Variants in VEZT observed in about 807,000 individuals in gnomAD.
VEZT encodes the protein vezatin, adherens junctions transmembrane protein, also known as vezatin.
Under a neutral mutation model 79.9 loss-of-function variants are expected in VEZT, and 39 were observed. That is an observed-to-expected ratio of 0.49 (90% CI 0.38 to 0.64). The LOEUF is 0.64. VEZT is among the 30% of genes least tolerant of loss of function. The pLI is 0.00. For synonymous variants in VEZT, 325 were observed against 327.6 expected, an observed-to-expected ratio of 0.99 and a Z score of 0.09; for missense variants, 837 against 893.1, an observed-to-expected ratio of 0.94 and a Z score of 0.80.
intron 4 of VEZT, among the ~76,000 whole-genome samples, chr12:95,264,688 C>T (rs999449757): frequency 1.3e-5 from 2 of 152,150 alleles, no homozygotes; most frequent in East Asian, 3.9e-4. Context: ...CTGCCTGCCT[C>T]AGCCTCCCAA....
Position 95,300,385 on chromosome 12 carries a change from A to G in VEZT, c.2052A>G (p.Gln684=). Reference sequence around the variant, plus strand: ...ATTCTTCAAATGAAGTCTTCCCCCAAGGAGCAGAAGAAAGAATGTGTTACC... The same window carrying G: ...ATTCTTCAAATGAAGTCTTCCCCCAGGGAGCAGAAGAAAGAATGTGTTACC... ...KDNSSNEVFP[Q]GAEERMCYQC... Residue 684 remains glutamine (Q), a synonymous_variant, in exon 12 of 12, where the codon CAA becomes CAG. Transcript: ENST00000436874. 6.2e-7 allele frequency: 1 copy of G among 1,614,012 alleles called. No individual in the cohort carries two copies. The highest frequency in any genetic ancestry group is 8.5e-7 in the Non-Finnish European group (1 of 1,179,886).
intron 1 of VEZT, among the ~76,000 whole-genome samples, chr12:95,234,709 T>A (rs1456579807): frequency 2.0e-5 from 3 of 152,104 alleles, no homozygotes; most frequent in Non-Finnish European, 4.4e-5. Context: ...TTCTTGGGTG[T>A]GATTTGGCAG....
intron 2 of VEZT, among the ~76,000 whole-genome samples, chr12:95,254,111 C>G (rs568350896): frequency 6.6e-6 from 1 of 151,974 alleles, no homozygotes; most frequent in Non-Finnish European, 1.5e-5. Context: ...CTCCCAAGTA[C>G]CTGGGACCAC....
chr12:95,282,791 A>G (rs961133723), intron 8 of VEZT, 147 bp downstream of exon 8: 2 of 480,564 alleles, frequency 4.2e-6, no homozygotes, highest in Non-Finnish European at 6.8e-6. Context: ...CTATAAATAT[A>G]GCAAAAAAAA....
At chr12:95,244,734 A>G (rs2061499559) in intron 1 of VEZT, among the ~76,000 whole-genome samples, 1 of 150,396 alleles carries the variant, frequency 6.6e-6, no homozygotes, top group South Asian at 2.1e-4. Flanking sequence ...ACCTTTTTAA[A>G]AGTCATTTAT....
At chr12:95,286,664 A>G (rs1006708812) in intron 8 of VEZT, 3 of 400,076 alleles carry the variant, frequency 7.5e-6, no homozygotes, top group Non-Finnish European at 1.5e-5. Flanking sequence ...TTCAGGTTCC[A>G]AAGTATTGTC....
At chr12:95,228,188 A>G (rs2058758723) in intron 1 of VEZT, among the ~76,000 whole-genome samples, 1 of 152,196 alleles carries the variant, frequency 6.6e-6, no homozygotes, top group Non-Finnish European at 1.5e-5. Flanking sequence ...CTCCCATAGC[A>G]TTTAATCAGT....
At chr12:95,260,028 T>G (rs1438697694) in intron 3 of VEZT, among the ~76,000 whole-genome samples, 1 of 152,056 alleles carries the variant, frequency 6.6e-6, no homozygotes, top group African/African-American at 2.4e-5. Flanking sequence ...TTGTTTTAGT[T>G]ATTTGGAGTG....
At chr12:95,235,715 G>T (rs1395112544) in intron 1 of VEZT, among the ~76,000 whole-genome samples, 1 of 150,778 alleles carries the variant, frequency 6.6e-6, no homozygotes, top group Non-Finnish European at 1.5e-5. Context: ...CGGGCGGGGG[G>T]CTGACCCCCA....
chr12:95,245,827 A>G (rs1394273325), intron 1 of VEZT, among the ~76,000 whole-genome samples: 2 of 152,192 alleles, frequency 1.3e-5, no homozygotes, highest in Non-Finnish European at 2.9e-5. Flanking sequence ...AATAAATTTA[A>G]AAATTATCTG....
chr12:95,276,470 G>A (rs1029763204), intron 7 of VEZT, among the ~76,000 whole-genome samples: 8 of 151,194 alleles, frequency 5.3e-5, no homozygotes, highest in African/African-American at 1.7e-4. Context: ...GGGTTTCACC[G>A]TGTTGCCCAG....
At chr12:95,262,256 C>G (rs559393229) in intron 3 of VEZT, 35 of 152,330 alleles carry the variant, frequency 2.3e-4, no homozygotes, top group Admixed American at 5.9e-4. Context: ...AAACTACGAA[C>G]TCTTTAAGAA....
At chr12:95,229,607 T>C (rs1242563286) in intron 1 of VEZT, among the ~76,000 whole-genome samples, 1 of 152,166 alleles carries the variant, frequency 6.6e-6, no homozygotes, top group Non-Finnish European at 1.5e-5. Flanking sequence ...CTTCCATTAA[T>C]TAGGAAATAC....
chr12:95,233,990 T>C (rs1194514044), intron 1 of VEZT, among the ~76,000 whole-genome samples: 1 of 152,230 alleles, frequency 6.6e-6, no homozygotes, highest in African/African-American at 2.4e-5. Flanking sequence ...CTCCCACTAA[T>C]AGTGTATGAT....
At chr12:95,288,789 A>G (rs1430889791) in intron 9 of VEZT, among the ~76,000 whole-genome samples, 3 of 152,198 alleles carry the variant, frequency 2.0e-5, no homozygotes, top group African/African-American at 7.2e-5. Flanking sequence ...TTTTTCTCCA[A>G]AGGATAAATC....
Position 95,296,037 on chromosome 12 carries a change from C to G in VEZT, c.1624-14C>G. 6.6e-7 allele frequency: 1 copy of G among 1,512,656 alleles called. No homozygotes were observed. The highest frequency in any genetic ancestry group is 8.9e-7 in the Non-Finnish European group (1 of 1,126,872). 93.7% of individuals were successfully genotyped at this position (1,512,656 alleles called of 1,614,324 possible). ...TGCTTCAAGTAAAGTGCTTTTTCTT[C>G]TATTCATTTTCAGGAATTAGAAGCT... is the stretch of plus-strand genomic sequence containing the variant. On this transcript the variant is annotated splice_polypyrimidine_tract_variant and intron_variant, in intron 10 of 11. Transcript: ENST00000436874.
chr12:95,279,606 C>T (rs1273182484), intron 7 of VEZT, among the ~76,000 whole-genome samples: 2 of 152,110 alleles, frequency 1.3e-5, no homozygotes, highest in Non-Finnish European at 2.9e-5. Flanking sequence ...ACAAATTAGT[C>T]TTTAGAGACA....
intron 1 of VEZT, among the ~76,000 whole-genome samples, chr12:95,233,786 A>G (rs1265584914): frequency 1.3e-5 from 2 of 152,222 alleles, no homozygotes; most frequent in Non-Finnish European, 2.9e-5. Flanking sequence ...TATGTGTGTG[A>G]CATACATAAA....
intron 5 of VEZT, 177 bp from the exon 6 acceptor site, chr12:95,269,874 T>A: frequency 1.6e-6 from 1 of 608,472 alleles, no homozygotes; most frequent in South Asian, 2.2e-5. Flanking sequence ...ATATATCTAG[T>A]CACAGAAATG....
Sources: allele counts gnomAD v4.1 joint callset (sites outside exome capture counted in the v4.1 genomes callset), GRCh38; gene constraint gnomAD v4.1.1; transcripts MANE v1.5; gene names NCBI Gene and HGNC (gene_info 2026-07-23, HGNC 2026-07-21).